The following ENSA variants were observed in gnomAD, a reference collection of about 807,000 sequenced individuals.
ENSA encodes the protein endosulfine alpha.
A neutral mutation model predicts 16.8 loss-of-function variants in ENSA; 7 were observed. The ratio of observed to expected loss-of-function variants is 0.42; its 90% confidence interval spans 0.24 to 0.78. ENSA has a LOEUF of 0.78. Among genes scored for constraint, ENSA ranks in the 30% least tolerant of loss-of-function variants. The pLI, the probability that ENSA is intolerant of heterozygous loss-of-function variation, is 0.29. For missense variants in ENSA, 87 were observed against 142.3 expected (o/e 0.61, Z 1.98); for synonymous variants, 58 against 53.4 (o/e 1.09, Z -0.37).
intron 2 of ENSA, chr1:150,627,034 T>C: frequency 1.7e-6 from 2 of 1,201,796 alleles, no homozygotes; most frequent in South Asian, 2.2e-5. Context: ...TTCAAGGGTA[T>C]GAAGAAACTG....
chr1:150,627,695 C>T (rs928330638), intron 1 of ENSA, 103 bp from the exon 2 acceptor site: 7 of 1,242,324 alleles, frequency 5.6e-6, no homozygotes, highest in South Asian at 1.5e-5. Flanking sequence ...AATCCACCCA[C>T]TTGTAAATAC....
chr1:150,629,565 G>A lies in ENSA; in HGVS notation c.-95C>T, dbSNP rs1012528405. On this transcript the variant is annotated 5_prime_UTR_variant, in exon 1 of 4. Transcript: ENST00000369014. ...CGGGGACAACCTGCGCTGCTGCTTCGGCTCCTGTCACTAGGGTTGCTCAGT... is the reference window on the plus strand; with the variant it reads ...CGGGGACAACCTGCGCTGCTGCTTCAGCTCCTGTCACTAGGGTTGCTCAGT... The A allele has an allele frequency of 6.7e-7, 1 of 1,487,608 alleles. No homozygotes were observed. Among genetic ancestry groups the A allele is most frequent in the African/African-American group, 1.4e-5 (1 of 71,644 alleles). The allele number at this position is 1,487,608 out of a possible 1,614,324, so 92.2% of individuals were successfully genotyped here.
At position 150,622,779 on chromosome 1, in the gene ENSA, A is replaced by G; in HGVS notation, c.*65T>C. 1 of 1,536,060 alleles carries G rather than the reference A, an allele frequency of 6.5e-7. No individual in the cohort carries two copies. The highest frequency in any genetic ancestry group is 2.1e-5 in the Admixed American group (1 of 47,894). On this transcript the variant is annotated 3_prime_UTR_variant, in exon 4 of 4. Transcript: ENST00000369014. Reference sequence around the variant, plus strand: ...GCAAAAGCAGGAAGGGGCAGGAGCCAGCACAGGACCCGGGTGGGGCAGGGA... The same window carrying G: ...GCAAAAGCAGGAAGGGGCAGGAGCCGGCACAGGACCCGGGTGGGGCAGGGA...
At chr1:150,627,396 A>G in intron 2 of ENSA, 71 bp downstream of exon 2, 1 of 1,614,178 alleles carries the variant, frequency 6.2e-7, no homozygotes. Flanking sequence ...ATCCAGTAGA[A>G]CCTCTACAGA....
chr1:150,627,715 A>C (rs1364568247), intron 1 of ENSA, 123 bp from the exon 2 acceptor site: 7 of 1,011,060 alleles, frequency 6.9e-6, no homozygotes, highest in Non-Finnish European at 1.0e-5. Context: ...CGCTATCTCT[A>C]CTCTGCTGTT....
intron 1 of ENSA, chr1:150,629,016 G>A (rs1194133786): frequency 6.3e-6 from 10 of 1,598,498 alleles, no homozygotes; most frequent in Non-Finnish European, 8.6e-6. Flanking sequence ...CCCTATCTTT[G>A]CGGATTGAGG....
intron 2 of ENSA, among the ~76,000 whole-genome samples, chr1:150,626,047 T>C (rs1649283906): frequency 6.6e-6 from 1 of 152,232 alleles, no homozygotes; most frequent in Non-Finnish European, 1.5e-5. Flanking sequence ...GTATATAGTT[T>C]TGGAGTCAAG....
At chr1:150,626,564 A>C (rs1162903697) in intron 2 of ENSA, 1 of 1,594,268 alleles carries the variant, frequency 6.3e-7, no homozygotes, top group Non-Finnish European at 8.6e-7. Flanking sequence ...AAAATAAAAA[A>C]ATTTTTTTTT....
In ENSA at chr1:150,622,547, C is replaced by G. The variant is rs1649036493; in HGVS notation, c.*297G>C. 1 of 305,576 alleles carries G rather than the reference C, an allele frequency of 3.3e-6. No individual in the cohort carries two copies. The highest frequency in any genetic ancestry group is 2.2e-5 in the African/African-American group (1 of 46,038). The allele number at this position is 305,576 out of a possible 1,614,324, so 18.9% of individuals were successfully genotyped here. On this transcript the variant is annotated 3_prime_UTR_variant, in exon 4 of 4. Coordinates refer to ENST00000369014, the MANE Select transcript of ENSA (RefSeq NM_004436.4). ...ACTCCAAGCCCTAATTCATACTCCT[C>G]CATATCTCCCACCCCACCCTTTCAA...
At chr1:150,628,498 CTTTT>C (rs36124577) in intron 1 of ENSA, among the ~76,000 whole-genome samples, 1 of 142,978 alleles carries the variant, frequency 7.0e-6, no homozygotes. Context: ...TAGTCAATCT[CTTTT>C]TTTTTTTTTT....
chr1:150,624,829 C>T, intron 3 of ENSA: 1 of 980,798 alleles, frequency 1.0e-6, no homozygotes, highest in Non-Finnish European at 1.2e-6. Context: ...ATACATTTAA[C>T]TCTATTTTAC....
chr1:150,626,149 G>A (rs1649290116), intron 2 of ENSA, among the ~76,000 whole-genome samples: 1 of 152,106 alleles, frequency 6.6e-6, no homozygotes, highest in Non-Finnish European at 1.5e-5. Flanking sequence ...GACCTTACTG[G>A]GTACAGGGCA....
At chr1:150,628,745 T>C (rs587642584) in intron 1 of ENSA, among the ~76,000 whole-genome samples, 2 of 152,304 alleles carry the variant, frequency 1.3e-5, no homozygotes, top group Admixed American at 6.5e-5. Context: ...ACTAAGTCCC[T>C]GCCTTGGAAG....
intron 3 of ENSA, chr1:150,625,327 C>A (rs1332205227): frequency 2.8e-6 from 3 of 1,053,156 alleles, no homozygotes; most frequent in Non-Finnish European, 3.4e-6. Flanking sequence ...GGGACATTCT[C>A]TCCCAAAAGG....
chr1:150,624,704 G>C, intron 3 of ENSA: 2 of 985,414 alleles, frequency 2.0e-6, no homozygotes, highest in Non-Finnish European at 2.4e-6. Flanking sequence ...TACTTTCCCA[G>C]TATTACAGAG....
intron 3 of ENSA, 193 bp downstream of exon 3, chr1:150,625,449 G>A: frequency 1.5e-6 from 2 of 1,309,706 alleles, no homozygotes; most frequent in Non-Finnish European, 1.9e-6. Flanking sequence ...GTGTGGAAGT[G>A]TCAATCTAAC....
intron 2 of ENSA, chr1:150,626,465 G>A: frequency 1.9e-6 from 3 of 1,608,918 alleles, no homozygotes; most frequent in Non-Finnish European, 2.6e-6. Flanking sequence ...CCTCCACAGG[G>A]ATGTTTCACC....
intron 2 of ENSA, chr1:150,627,160 C>T (rs2101746425): frequency 6.1e-6 from 9 of 1,478,668 alleles, no homozygotes; most frequent in Non-Finnish European, 8.0e-6. Context: ...CTAAAACCTC[C>T]AACATTCAAA....
At chr1:150,626,931 G>T (rs1308392906) in intron 2 of ENSA, 2 of 472,040 alleles carry the variant, frequency 4.2e-6, no homozygotes, top group Non-Finnish European at 5.8e-6. Flanking sequence ...GAGCTACATG[G>T]CTATGAAAGT....
Sources: gnomAD v4.1 joint callset for allele counts (sites outside exome capture counted in the v4.1 genomes callset) on GRCh38, gnomAD v4.1.1 for gene constraint, MANE v1.5 for transcripts, NCBI Gene and HGNC (gene_info 2026-07-23, HGNC 2026-07-21) for gene names.